Variants in REDIC1 observed in about 807,000 individuals in gnomAD.
The protein encoded by REDIC1 is regulator of DNA class I crossover intermediates 1, also known as HEI10 Interacting Protein 1.
At chr12:39,697,258 TC>T in the REDIC1 span, among the ~76,000 whole-genome samples, 1 of 152,130 alleles carries the variant, frequency 6.6e-6, no homozygotes, top group South Asian at 2.1e-4. Context: ...AAATAGTATA[TC>T]CAGCAAAAAT....
At chr12:39,666,365 C>T in the REDIC1 span, among the ~76,000 whole-genome samples, 734 of 152,160 alleles carry the variant, frequency 4.8e-3, 1 homozygote, top group African/African-American at 7.1e-3. Flanking sequence ...TGCTGGATTA[C>T]GTTTATTGAT....
At chr12:39,852,616 C>T in the REDIC1 span, among the ~76,000 whole-genome samples, 7 of 152,110 alleles carry the variant, frequency 4.6e-5, no homozygotes, top group African/African-American at 1.7e-4. Flanking sequence ...AGGCAGGGAA[C>T]CTAAGGCTGA....
the REDIC1 span, among the ~76,000 whole-genome samples, chr12:39,726,403 A>C: frequency 2.0e-5 from 3 of 152,132 alleles, no homozygotes; most frequent in African/African-American, 7.2e-5. Context: ...ACGAGTGAGA[A>C]CATGCAGTGT....
chr12:39,818,676 C>G, the REDIC1 span, among the ~76,000 whole-genome samples: 1 of 151,966 alleles, frequency 6.6e-6, no homozygotes, highest in African/African-American at 2.4e-5. Flanking sequence ...TTATAAATAC[C>G]AAGGTTTGGT....
At chr12:39,733,442 C>T in the REDIC1 span, among the ~76,000 whole-genome samples, 4 of 151,742 alleles carry the variant, frequency 2.6e-5, no homozygotes, top group African/African-American at 4.8e-5. Context: ...ATATCTTCAA[C>T]GTTTGTTTTT....
At chr12:39,802,179 TG>T in the REDIC1 span, 2 of 152,210 alleles carry the variant, frequency 1.3e-5, no homozygotes, top group Non-Finnish European at 2.9e-5. Context: ...AGTCTCTGTT[TG>T]ATTTAGTGCT....
the REDIC1 span, among the ~76,000 whole-genome samples, chr12:39,654,009 GT>G: frequency 6.7e-6 from 1 of 149,742 alleles, no homozygotes; most frequent in South Asian, 2.1e-4. Flanking sequence ...AGCATTGAGA[GT>G]TTTTATCATG....
At chr12:39,646,667 T>A in the REDIC1 span, among the ~76,000 whole-genome samples, 1 of 151,952 alleles carries the variant, frequency 6.6e-6, no homozygotes, top group Non-Finnish European at 1.5e-5. Flanking sequence ...CATAAAAATG[T>A]CTGTATCTAG....
chr12:39,740,057 CATTAGTGAT>C, the REDIC1 span, among the ~76,000 whole-genome samples: 5 of 152,302 alleles, frequency 3.3e-5, no homozygotes, highest in South Asian at 1.0e-3. Context: ...TGATGTCATG[CATTAGTGAT>C]ATTAGGAGTT....
the REDIC1 span, chr12:39,755,521 G>A: frequency 4.8e-4 from 73 of 152,184 alleles, 2 homozygotes; most frequent in Admixed American, 4.0e-3. Context: ...CAGTTTGGAC[G>A]TGTAGAATAT....
chr12:39,897,767 C>A, the REDIC1 span, among the ~76,000 whole-genome samples: 1 of 152,070 alleles, frequency 6.6e-6, no homozygotes, highest in Non-Finnish European at 1.5e-5. Context: ...TTTAAAAAAT[C>A]ATTTTCCTTC....
the REDIC1 span, among the ~76,000 whole-genome samples, chr12:39,752,175 C>T: frequency 6.6e-5 from 10 of 152,274 alleles, no homozygotes; most frequent in South Asian, 6.2e-4. Flanking sequence ...TCAGTGCCCA[C>T]GCCATGGACG....
chr12:39,810,099 T>C, the REDIC1 span, among the ~76,000 whole-genome samples: 1 of 152,206 alleles, frequency 6.6e-6, no homozygotes, highest in African/African-American at 2.4e-5. Context: ...TCCACAATGG[T>C]TGGACTAGTT....
chr12:39,905,163 C>T, the REDIC1 span, among the ~76,000 whole-genome samples: 1 of 152,056 alleles, frequency 6.6e-6, no homozygotes, highest in African/African-American at 2.4e-5. Context: ...CTGTGAACAA[C>T]TAAGAAAAAT....
chr12:39,804,988 G>A, the REDIC1 span, among the ~76,000 whole-genome samples: 1 of 152,250 alleles, frequency 6.6e-6, no homozygotes, highest in Non-Finnish European at 1.5e-5. Flanking sequence ...GCCACAGTCT[G>A]AGGGAGAAGA....
chr12:39,801,543 A>G, the REDIC1 span, among the ~76,000 whole-genome samples: 1 of 152,286 alleles, frequency 6.6e-6, no homozygotes, highest in African/African-American at 2.4e-5. Context: ...TCCATTTAAG[A>G]TTATTTTAAA....
the REDIC1 span, among the ~76,000 whole-genome samples, chr12:39,899,063 T>C: frequency 2.6e-5 from 4 of 151,666 alleles, no homozygotes; most frequent in African/African-American, 9.7e-5. Flanking sequence ...ATGGTACCAG[T>C]TCCTCCTTGT....
the REDIC1 span, among the ~76,000 whole-genome samples, chr12:39,895,760 G>GCA: frequency 5.5e-4 from 20 of 36,092 alleles, 4 homozygotes; most frequent in African/African-American, 1.8e-3. Context: ...GCGTGTATAC[G>GCA]TACACACATG....
chr12:39,898,446 T>C, the REDIC1 span, among the ~76,000 whole-genome samples: 1 of 152,130 alleles, frequency 6.6e-6, no homozygotes, highest in Non-Finnish European at 1.5e-5. Flanking sequence ...GTGTGTCCAT[T>C]TGGAGAATGA....
Sources: gnomAD v4.1 joint callset for allele counts (sites outside exome capture counted in the v4.1 genomes callset) on GRCh38, gnomAD v4.1.1 for gene constraint, MANE v1.5 for transcripts, NCBI Gene and HGNC (gene_info 2026-07-23, HGNC 2026-07-21) for gene names.